ERLEC1: variants seen among roughly 807,000 people sequenced by gnomAD.
ERLEC1 encodes the protein endoplasmic reticulum lectin 1.
A neutral mutation model predicts 68.0 loss-of-function variants in ERLEC1; 47 were observed. That is an observed-to-expected ratio of 0.69 (90% confidence interval 0.55 to 0.88). ERLEC1 has a LOEUF of 0.88. Ranked by LOEUF, ERLEC1 falls within the 40% of genes least tolerant of loss-of-function variation. The pLI is 0.00. For missense variants in ERLEC1, 567 were observed against 583.8 expected, an observed-to-expected ratio of 0.97 and a Z score of 0.30; for synonymous variants, 225 against 203.2, an observed-to-expected ratio of 1.11 and a Z score of -0.91.
rs1675790871 is a variant in ERLEC1 at position 53,797,740 on chromosome 2, T to C, written c.435T>C (p.Asn145=). ...TTTACTTTTCAATGTAGAAAATAAA[T>C]ATTCACGAGTACTACCTTGGGAATA... ...HEEKETGQKI[N]IHEYYLGNML... The change falls in exon 5 of 14, where the codon AAT becomes AAC. Residue 145 remains asparagine (N), a synonymous_variant. Transcript: ENST00000185150. 3 of 1,611,366 alleles carry C rather than the reference T, an allele frequency of 1.9e-6. No homozygotes were observed. The highest frequency in any genetic ancestry group is 2.2e-5 in the South Asian group (2 of 90,650).
At chr2:53,815,588 A>C (rs1298226687) in intron 13 of ERLEC1, among the ~76,000 whole-genome samples, 1 of 152,218 alleles carries the variant, frequency 6.6e-6, no homozygotes, top group Non-Finnish European at 1.5e-5. Flanking sequence ...CCTTGCTCAA[A>C]GATACCCATT....
At chr2:53,795,015 T>C (rs994768942) in intron 2 of ERLEC1, among the ~76,000 whole-genome samples, 2 of 128,540 alleles carry the variant, frequency 1.6e-5, no homozygotes, top group Non-Finnish European at 3.3e-5. Context: ...TTATAGAAAT[T>C]AGGGTTTTAA....
In ERLEC1 at chr2:53,794,406, A is replaced by C; in HGVS notation, c.224A>C (p.Glu75Ala). 4 of 1,590,376 alleles carry C rather than the reference A, an allele frequency of 2.5e-6. No homozygotes were observed. The highest frequency in any genetic ancestry group is 3.4e-6 in the Non-Finnish European group (4 of 1,165,704). Reference sequence around the variant, plus strand: ...GTCATCATGACAACTGCACATAAAGAAAAATATAAATGCATACTTCCCCTT... The same window carrying C: ...GTCATCATGACAACTGCACATAAAGCAAAATATAAATGCATACTTCCCCTT... ...NYVIMTTAHK[E>A]KYKCILPLVT... Residue 75 changes from glutamate to alanine, a missense_variant, in exon 2 of 14, where the codon GAA (glutamate) becomes GCA (alanine). Coordinates refer to ENST00000185150, the MANE Select transcript of ERLEC1 (RefSeq NM_015701.5).
intron 8 of ERLEC1, among the ~76,000 whole-genome samples, 169 bp from the exon 9 acceptor site, chr2:53,808,130 T>C (rs1277327995): frequency 6.6e-6 from 1 of 152,202 alleles, no homozygotes; most frequent in African/African-American, 2.4e-5. Flanking sequence ...TGTCTGGAGC[T>C]TTCTCTATGC....
At position 53,813,090 on chromosome 2, in the gene ERLEC1, C is replaced by G; in HGVS notation, c.1226+17C>G. On this transcript the variant is annotated intron_variant, in intron 11 of 13. Coordinates refer to ENST00000185150, the MANE Select transcript of ERLEC1 (RefSeq NM_015701.5). ...GACAGTCAGGTAAAGATTCACTTTA[C>G]TTGCCTTTGGAGCTAATTACTACAA... The G allele has an allele frequency of 6.2e-7, 1 of 1,601,932 alleles. No homozygotes were observed. Among genetic ancestry groups the G allele is most frequent in the Non-Finnish European group, 8.5e-7 (1 of 1,177,428 alleles).
intron 13 of ERLEC1, 60 bp downstream of exon 13, chr2:53,814,995 C>CTTTTTTTTTTT (rs777632156): frequency 1.7e-3 from 821 of 470,022 alleles, no homozygotes; most frequent in African/African-American, 4.8e-3. Context: ...ATTTTTTTTT[C>CTTTTTTTTTTT]TTTTTTTTTT....
At chr2:53,791,069 T>C (rs949328172) in intron 1 of ERLEC1, among the ~76,000 whole-genome samples, 2 of 152,254 alleles carry the variant, frequency 1.3e-5, no homozygotes, top group African/African-American at 4.8e-5. Flanking sequence ...GCATGTCATA[T>C]ACATTGACAG....
intron 3 of ERLEC1, among the ~76,000 whole-genome samples, chr2:53,797,101 G>C (rs1032976378): frequency 6.6e-6 from 1 of 152,000 alleles, no homozygotes; most frequent in Non-Finnish European, 1.5e-5. Flanking sequence ...TGCCATGTTG[G>C]CCAAGCTGGT....
chr2:53,800,133 T>C (rs1675927186), intron 6 of ERLEC1, among the ~76,000 whole-genome samples: 1 of 152,172 alleles, frequency 6.6e-6, no homozygotes, highest in Non-Finnish European at 1.5e-5. Flanking sequence ...TTACGTGATT[T>C]TATCATTGTG....
chr2:53,795,558 G>A (rs917648232), intron 2 of ERLEC1, among the ~76,000 whole-genome samples: 3 of 152,064 alleles, frequency 2.0e-5, no homozygotes, highest in Non-Finnish European at 2.9e-5. Context: ...TATTCTAAGG[G>A]CTTTCATAGC....
Position 53,801,858 on chromosome 2 carries a change from A to G in ERLEC1, c.879+16A>G. ...AAATAAAGAGGTATGAGAATTGTCT[A>G]ATGATAGCTTTTTGGTGCTTCATTT... On this transcript the variant is annotated intron_variant, in intron 8 of 13. Transcript: ENST00000185150. The G allele has an allele frequency of 6.2e-7, 1 of 1,602,170 alleles. No homozygotes were observed. The highest frequency in any genetic ancestry group is 8.5e-7 in the Non-Finnish European group (1 of 1,174,460).
intron 1 of ERLEC1, chr2:53,788,509 C>T (rs539451453): frequency 6.6e-6 from 1 of 152,052 alleles, no homozygotes; most frequent in East Asian, 1.9e-4. Flanking sequence ...CTCAAGAGAT[C>T]TCCTCAGCTT....
At chr2:53,802,787 A>G (rs898115286) in intron 8 of ERLEC1, among the ~76,000 whole-genome samples, 3 of 152,180 alleles carry the variant, frequency 2.0e-5, no homozygotes, top group Middle Eastern at 3.2e-3. Context: ...GCTGGAGTGC[A>G]GTGGCATGAT....
chr2:53,815,197 G>T (rs1676813992), intron 13 of ERLEC1, among the ~76,000 whole-genome samples: 1 of 151,606 alleles, frequency 6.6e-6, no homozygotes, highest in Non-Finnish European at 1.5e-5. Context: ...GTAGAGACGG[G>T]GTTCCACCAT....
intron 10 of ERLEC1, among the ~76,000 whole-genome samples, chr2:53,812,621 A>T (rs1676648726): frequency 6.6e-6 from 1 of 152,136 alleles, no homozygotes; most frequent in Non-Finnish European, 1.5e-5. Flanking sequence ...GCAGTGAAAA[A>T]GTAGAGGAAG....
chr2:53,806,203 T>C (rs1676287603), intron 8 of ERLEC1, among the ~76,000 whole-genome samples: 2 of 152,214 alleles, frequency 1.3e-5, no homozygotes, highest in South Asian at 2.1e-4. Context: ...TACTGGACTA[T>C]TAGGAGTCCA....
At chr2:53,791,276 A>AATCTCTAATAAAATTTGACTTTGTCAG (rs1478283747) in intron 1 of ERLEC1, among the ~76,000 whole-genome samples, 2 of 152,076 alleles carry the variant, frequency 1.3e-5, no homozygotes, top group Non-Finnish European at 2.9e-5. Flanking sequence ...CTTTATGTCA[A>AATCTCTAATAAAATTTGACTTTGTCAG]ATCTCTAATA....
chr2:53,789,526 G>A (rs1675270198), intron 1 of ERLEC1, among the ~76,000 whole-genome samples: 1 of 152,060 alleles, frequency 6.6e-6, no homozygotes, highest in African/African-American at 2.4e-5. Flanking sequence ...CTCCTGAACA[G>A]CGAGGACTAC....
rs759611947 is a variant in ERLEC1 at position 53,787,311 on chromosome 2, T to C, written c.101T>C (p.Leu34Pro). ...LLEASGGGRA[L>P]PQLSDDIPFR... The stretch of plus-strand genomic sequence containing the variant: ...GAGGCGTCCGGCGGCGGCCGAGCCC[T>C]TCCTCAACTCAGCGATGACATCCCT... Residue 34 changes from leucine to proline, a missense_variant, in exon 1 of 14, where the codon CTT becomes CCT. Transcript: ENST00000185150. The C allele has an allele frequency of 6.2e-7, 1 of 1,611,162 alleles. No individual in the cohort carries two copies. Among genetic ancestry groups the C allele is most frequent in the Admixed American group, 1.7e-5 (1 of 60,022 alleles).
Sources: allele counts gnomAD v4.1 joint callset (sites outside exome capture counted in the v4.1 genomes callset), GRCh38; gene constraint gnomAD v4.1.1; transcripts MANE v1.5; gene names NCBI Gene and HGNC (gene_info 2026-07-23, HGNC 2026-07-21).